DCBLD2: variants seen among roughly 807,000 people sequenced by gnomAD.
The protein encoded by DCBLD2 is discoidin, CUB and LCCL domain containing 2, also known as discoidin, CUB and LCCL domain-containing protein 2.
In DCBLD2, 54 loss-of-function variants were observed where a neutral mutation model predicts 86.8. That is an observed-to-expected ratio of 0.62 (90% confidence interval 0.50 to 0.78). The LOEUF (loss-of-function observed/expected upper bound fraction) is 0.78, where lower values mean the gene tolerates loss of function less well. DCBLD2 is among the 30% of genes least tolerant of loss of function. The pLI is 0.00. For synonymous variants in DCBLD2, 354 were observed against 341.3 expected, an observed-to-expected ratio of 1.04 and a Z score of -0.41; for missense variants, 908 against 954.2, an observed-to-expected ratio of 0.95 and a Z score of 0.64.
rs765661963 is a variant in DCBLD2, at chr3:98,799,589, G to A, written c.2111C>T (p.Thr704Met). 4.5e-5 allele frequency: 73 copies of A among 1,613,884 alleles called. No homozygotes were observed. The highest frequency in any genetic ancestry group is 4.2e-5 in the Non-Finnish European group (50 of 1,179,892). The change falls in exon 16 of 16, where the codon ACG becomes ATG. Residue 704 changes from threonine to methionine, a missense_variant. Thr to Met is a moderately conservative substitution (Grantham distance 81). Transcript: ENST00000326840. Reference protein sequence around the residue: ...GQPSTSTFKATGNQPPPLVGT... With the variant: ...GQPSTSTFKAMGNQPPPLVGT... Reference sequence around the variant, plus strand: ...CACTAGTGGGGGAGGTTGGTTCCCCGTAGCCTTGAAAGTGGATGTGGAGGG... The same window carrying A: ...CACTAGTGGGGGAGGTTGGTTCCCCATAGCCTTGAAAGTGGATGTGGAGGG...
rs530278529 is a variant in DCBLD2 at position 98,858,293 on chromosome 3, G to A, written c.434-8695C>T. On this transcript the variant is annotated intron_variant, in intron 2 of 15. Coordinates refer to ENST00000326840, the MANE Select transcript of DCBLD2 (RefSeq NM_080927.4). Reference sequence around the variant, plus strand: ...AGCGCCGTGTGCAGCCCCAGTTCCCGCCTGCGCCTCTCCCTCCACACCTAC... The same window carrying A: ...AGCGCCGTGTGCAGCCCCAGTTCCCACCTGCGCCTCTCCCTCCACACCTAC... Among the ~76,000 whole-genome samples, 50 of 152,322 alleles carry A rather than the reference G, an allele frequency of 3.3e-4. No individual in the cohort carries two copies. In the East Asian group the frequency reaches 4.8e-3, roughly 15 times the overall value.
At chr3:98,866,887 G>T (rs1943158019) in intron 2 of DCBLD2, among the ~76,000 whole-genome samples, 1 of 152,212 alleles carries the variant, frequency 6.6e-6, no homozygotes, top group Non-Finnish European at 1.5e-5. Context: ...TTTTGCATAA[G>T]GTGTAAGGAA....
intron 13 of DCBLD2, among the ~76,000 whole-genome samples, chr3:98,807,421 T>A (rs1941861186): frequency 1.3e-5 from 2 of 152,160 alleles, no homozygotes; most frequent in South Asian, 4.1e-4. Flanking sequence ...AGAGAGCGTG[T>A]TTATCCCTTC....
At position 98,896,305 on chromosome 3, in the gene DCBLD2, A is replaced by G. The variant is rs532677769; in HGVS notation, c.205+4817T>C. Among the ~76,000 whole-genome samples, 13 of 152,336 alleles carry G rather than the reference A, an allele frequency of 8.5e-5. 1 individual carries two copies. Among genetic ancestry groups the G allele is most frequent in the Admixed American group, 7.8e-4 (12 of 15,294 alleles). On this transcript the variant is annotated intron_variant, in intron 1 of 15. Transcript: ENST00000326840. ...AATTTAACCCAAATAATGAACTGAA[A>G]AATTAGCCTGATATTTGTTTCTAAA...
Position 98,819,183 on chromosome 3 carries a change from A to G in DCBLD2, c.1087+19T>C. On this transcript the variant is annotated intron_variant, in intron 8 of 15. Transcript: ENST00000326840. The stretch of plus-strand genomic sequence containing the variant: ...AAATAAGTGTTACAAATTGCTTTAG[A>G]AAATTTTTGTCTCTTAACCTGTTAT... 1 of 1,532,988 alleles carries G rather than the reference A, an allele frequency of 6.5e-7. No individual in the cohort carries two copies. The highest frequency in any genetic ancestry group is 8.8e-7 in the Non-Finnish European group (1 of 1,135,846). The allele number at this position is 1,532,988 out of a possible 1,614,324, so 95.0% of individuals were successfully genotyped here.
intron 2 of DCBLD2, among the ~76,000 whole-genome samples, chr3:98,857,374 T>C (rs551804607): frequency 2.6e-5 from 4 of 151,952 alleles, no homozygotes; most frequent in Non-Finnish European, 5.9e-5. Context: ...TTGCCACTGC[T>C]GGCTCGCCAC....
intron 3 of DCBLD2, among the ~76,000 whole-genome samples, chr3:98,838,577 A>G (rs1432321926): frequency 6.7e-6 from 1 of 149,732 alleles, no homozygotes; most frequent in Admixed American, 6.6e-5. Context: ...GCAGCCAGGC[A>G]GAGGGGCTCC....
chr3:98,881,498 C>T (rs776965195), intron 2 of DCBLD2, 42 bp downstream of exon 2: 1 of 1,517,832 alleles, frequency 6.6e-7, no homozygotes, highest in Non-Finnish European at 9.1e-7. Context: ...ATCATTGAGA[C>T]AATGATGTAT....
intron 2 of DCBLD2, among the ~76,000 whole-genome samples, chr3:98,877,103 T>C (rs1448556990): frequency 6.6e-6 from 1 of 152,220 alleles, no homozygotes; most frequent in Non-Finnish European, 1.5e-5. Context: ...GTCACTTATC[T>C]ACCTTTTTGT....
Position 98,901,420 on chromosome 3 carries a change from G to A in DCBLD2, c.-94C>T, listed in dbSNP as rs1576212755. The A allele has an allele frequency of 2.0e-5, 24 of 1,219,484 alleles. No individual in the cohort carries two copies. The South Asian group carries it at 7.8e-4, about 40-fold the overall frequency. The allele number at this position is 1,219,484 out of a possible 1,614,324, so 75.5% of individuals were successfully genotyped here. On this transcript the variant is annotated 5_prime_UTR_variant, in exon 1 of 16. Transcript: ENST00000326840. Reference sequence around the variant, plus strand: ...ACCCGACCAGGAGACGGCGGCAGCGGCGGGAGAACAAGAGGCAGCCCTCGC... The same window carrying A: ...ACCCGACCAGGAGACGGCGGCAGCGACGGGAGAACAAGAGGCAGCCCTCGC...
At chr3:98,810,993 G>A (rs1941927770) in intron 12 of DCBLD2, among the ~76,000 whole-genome samples, 1 of 152,074 alleles carries the variant, frequency 6.6e-6, no homozygotes, top group African/African-American at 2.4e-5. Flanking sequence ...AATATTTAAA[G>A]AGCAATTCTA....
chr3:98,825,644 TA>T (rs1428246242), intron 3 of DCBLD2, among the ~76,000 whole-genome samples: 41 of 2,148 alleles, frequency 0.019, 2 homozygotes, highest in South Asian at 0.05. Context: ...TATGTGTATT[TA>T]TATATATATA....
intron 3 of DCBLD2, among the ~76,000 whole-genome samples, chr3:98,831,862 A>T (rs1942330137): frequency 6.6e-6 from 1 of 152,088 alleles, no homozygotes; most frequent in Non-Finnish European, 1.5e-5. Context: ...ATGTCCGATT[A>T]TGTGGTCATT....
intron 2 of DCBLD2, among the ~76,000 whole-genome samples, chr3:98,852,176 T>A (rs1039252005): frequency 6.6e-6 from 1 of 152,218 alleles, no homozygotes; most frequent in Admixed American, 6.5e-5. Flanking sequence ...ATTTTCTTGA[T>A]TAACTTTTCC....
At chr3:98,870,713 A>AAAG (rs1943247662) in intron 2 of DCBLD2, among the ~76,000 whole-genome samples, 4 of 147,776 alleles carry the variant, frequency 2.7e-5, no homozygotes, top group South Asian at 2.2e-4. Context: ...AAAAAAAGAA[A>AAAG]GAAAAAGGAA....
intron 2 of DCBLD2, among the ~76,000 whole-genome samples, chr3:98,854,260 C>T (rs1011951144): frequency 1.3e-5 from 2 of 152,116 alleles, no homozygotes; most frequent in Non-Finnish European, 2.9e-5. Flanking sequence ...TAAATAACTC[C>T]CATCAGTAGT....
At chr3:98,835,908 TTC>T (rs1421010801) in intron 3 of DCBLD2, among the ~76,000 whole-genome samples, 3 of 110,774 alleles carry the variant, frequency 2.7e-5, no homozygotes, top group African/African-American at 1.0e-4. Flanking sequence ...GAATTTTTCT[TTC>T]TTTCTTTCTT....
chr3:98,837,769 G>A (rs1195446898), intron 3 of DCBLD2, among the ~76,000 whole-genome samples: 119 of 114,636 alleles, frequency 1.0e-3, no homozygotes, highest in Non-Finnish European at 1.5e-3. Flanking sequence ...AGGGGCGGCC[G>A]GGCAGAGGCG....
chr3:98,801,773 T>C, intron 13 of DCBLD2, 124 bp from the exon 14 acceptor site: 1 of 642,444 alleles, frequency 1.6e-6, no homozygotes, highest in Non-Finnish European at 2.6e-6. Flanking sequence ...TTCTCATTGT[T>C]CAATTCCCAC....
Sources: allele counts gnomAD v4.1 joint callset (sites outside exome capture counted in the v4.1 genomes callset), GRCh38; gene constraint gnomAD v4.1.1; transcripts MANE v1.5; gene names NCBI Gene and HGNC (gene_info 2026-07-23, HGNC 2026-07-21).